The following NCAM2 variants were observed in gnomAD, a reference collection of about 807,000 sequenced individuals.
The protein encoded by NCAM2 is neural cell adhesion molecule 2.
A neutral mutation model predicts 98.1 loss-of-function variants in NCAM2; 30 were observed. The ratio of observed to expected loss-of-function variants is 0.31; its 90% CI spans 0.23 to 0.41. NCAM2 has a LOEUF of 0.41. Ranked by LOEUF, NCAM2 falls within the 10% of genes least tolerant of loss-of-function variation. The probability of loss-of-function intolerance (pLI) is 1.00; values close to 1 mark genes in which losing one functional copy is unlikely to be tolerated. For missense variants in NCAM2, 867 were observed against 1,005.8 expected (o/e 0.86, Z 1.87); for synonymous variants, 368 against 342.4 (o/e 1.07, Z -0.83).
chr21:21,484,839 C>T (rs1021985334), intron 15 of NCAM2, among the ~76,000 whole-genome samples: 1 of 152,076 alleles, frequency 6.6e-6, no homozygotes, highest in Non-Finnish European at 1.5e-5. Context: ...CTAAATTTTC[C>T]ATTAATTCCT....
chr21:21,437,066 C>T (rs528006665), intron 12 of NCAM2, among the ~76,000 whole-genome samples: 3 of 152,008 alleles, frequency 2.0e-5, no homozygotes, highest in South Asian at 2.1e-4. Flanking sequence ...TAAACCACCA[C>T]GCCTCGCCAG....
intron 11 of NCAM2, among the ~76,000 whole-genome samples, chr21:21,422,142 T>G (rs191812679): frequency 6.6e-6 from 1 of 152,240 alleles, no homozygotes; most frequent in East Asian, 1.9e-4. Context: ...AGTGCCCACT[T>G]GCCAAGACAG....
chr21:21,286,473 C>A (rs771343027), intron 4 of NCAM2, 61 bp downstream of exon 4: 1 of 1,513,072 alleles, frequency 6.6e-7, no homozygotes, highest in Admixed American at 2.0e-5. Context: ...TTTTAAAAAT[C>A]TGAATCTATG....
intron 1 of NCAM2, among the ~76,000 whole-genome samples, chr21:20,999,031 C>T (rs2063971218): frequency 6.6e-6 from 1 of 152,118 alleles, no homozygotes; most frequent in Admixed American, 6.5e-5. Context: ...CAGTGTTAAA[C>T]TCATTTGCAA....
At chr21:21,114,717 C>A (rs1034609590) in intron 1 of NCAM2, among the ~76,000 whole-genome samples, 12 of 152,198 alleles carry the variant, frequency 7.9e-5, no homozygotes, top group African/African-American at 2.9e-4. Flanking sequence ...ACAGACCAAA[C>A]ACACTTCAGG....
At chr21:21,355,152 G>A (rs1227825704) in intron 8 of NCAM2, among the ~76,000 whole-genome samples, 1 of 152,004 alleles carries the variant, frequency 6.6e-6, no homozygotes, top group Non-Finnish European at 1.5e-5. Context: ...ATTATTTCGT[G>A]ACCGGGCATG....
At chr21:21,133,488 A>G (rs2066977670) in intron 1 of NCAM2, among the ~76,000 whole-genome samples, 1 of 152,190 alleles carries the variant, frequency 6.6e-6, no homozygotes, top group African/African-American at 2.4e-5. Context: ...CCCATATCTG[A>G]TTTCAAGGAG....
At chr21:21,193,492 C>CTTTTTTT (rs768928139) in intron 1 of NCAM2, among the ~76,000 whole-genome samples, 1 of 123,790 alleles carries the variant, frequency 8.1e-6, no homozygotes, top group Non-Finnish European at 1.7e-5. Context: ...AGTACTTTTC[C>CTTTTTTT]TTTTTTTTTT....
chr21:21,099,245 ATTTTGCCTTTACT>A (rs2066188356), intron 1 of NCAM2, among the ~76,000 whole-genome samples: 2 of 151,908 alleles, frequency 1.3e-5, no homozygotes, highest in Admixed American at 6.6e-5. Context: ...AGGTTTATAC[ATTTTGCCTTTACT>A]GATTATTGGT....
At chr21:21,162,173 T>A (rs73894491) in intron 1 of NCAM2, among the ~76,000 whole-genome samples, 3,240 of 152,118 alleles carry the variant, frequency 0.021, 118 homozygotes, top group African/African-American at 0.074. Flanking sequence ...TTTTGCCACA[T>A]CCAGTTACAG....
At chr21:21,449,997 A>C (rs1280334304) in intron 12 of NCAM2, among the ~76,000 whole-genome samples, 1 of 151,962 alleles carries the variant, frequency 6.6e-6, no homozygotes, top group East Asian at 1.9e-4. Context: ...TTTTAAACTA[A>C]TGTACTGTTT....
intron 12 of NCAM2, among the ~76,000 whole-genome samples, chr21:21,446,640 A>C (rs2146106187): frequency 6.6e-6 from 1 of 152,216 alleles, no homozygotes; most frequent in Non-Finnish European, 1.5e-5. Flanking sequence ...ATGATTCTAT[A>C]TTTGGAAAAC....
chr21:21,490,014 G>A (rs1034094856), intron 15 of NCAM2, among the ~76,000 whole-genome samples: 1 of 151,608 alleles, frequency 6.6e-6, no homozygotes, highest in African/African-American at 2.4e-5. Flanking sequence ...TTCAAAATTA[G>A]ACAAAGATGA....
chr21:21,042,482 C>A (rs2064926251), intron 1 of NCAM2, among the ~76,000 whole-genome samples: 1 of 152,216 alleles, frequency 6.6e-6, no homozygotes, highest in Non-Finnish European at 1.5e-5. Context: ...CTGCGCCTGA[C>A]CTTCATATTT....
chr21:21,430,261 C>A (rs2146018021), intron 11 of NCAM2, among the ~76,000 whole-genome samples: 1 of 151,934 alleles, frequency 6.6e-6, no homozygotes, highest in African/African-American at 2.4e-5. Context: ...CTCCTGACCT[C>A]AAGTAATCCG....
intron 1 of NCAM2, among the ~76,000 whole-genome samples, chr21:21,012,882 G>T (rs932008474): frequency 6.6e-6 from 1 of 151,974 alleles, no homozygotes; most frequent in Admixed American, 6.6e-5. Context: ...ATTGATCGTT[G>T]ATGTTACAAT....
At chr21:21,208,919 G>A (rs1354376486) in intron 1 of NCAM2, among the ~76,000 whole-genome samples, 1 of 152,046 alleles carries the variant, frequency 6.6e-6, no homozygotes, top group Non-Finnish European at 1.5e-5. Context: ...ACCTGGTTGA[G>A]ATTGAGCTAT....
Position 21,385,570 on chromosome 21 carries a change from C to A in NCAM2, c.1195+11557C>A, listed in dbSNP as rs532339258. 2.7e-6 allele frequency: 3 copies of A among 1,123,820 alleles called. No individual in the cohort carries two copies. In the African/African-American group the frequency reaches 4.8e-5, roughly 18 times the overall value. 69.6% of individuals were successfully genotyped at this position (1,123,820 alleles called of 1,614,324 possible). ...AAACTTAAGGTGTTAGAAAATTAAG[C>A]CTTTTTTTGCTCAAAACCTCTTTTG... On this transcript the variant is annotated intron_variant, in intron 9 of 17. Transcript: ENST00000400546.
At chr21:21,454,436 A>G (rs1981814508) in intron 12 of NCAM2, among the ~76,000 whole-genome samples, 1 of 152,046 alleles carries the variant, frequency 6.6e-6, no homozygotes, top group Non-Finnish European at 1.5e-5. Context: ...TTGATATATA[A>G]TTTTAAGGTG....
Sources: gnomAD v4.1 joint callset for allele counts (sites outside exome capture counted in the v4.1 genomes callset) on GRCh38, gnomAD v4.1.1 for gene constraint, MANE v1.5 for transcripts, NCBI Gene and HGNC (gene_info 2026-07-23, HGNC 2026-07-21) for gene names.